Variants in TOP1 observed in about 807,000 individuals in gnomAD.
The protein encoded by TOP1 is DNA topoisomerase 1.
Under a neutral mutation model 111.1 loss-of-function variants are expected in TOP1, and 10 were observed. The observed-to-expected ratio is 0.09, with a 90% CI of 0.06 to 0.15. The LOEUF (loss-of-function observed/expected upper bound fraction) is 0.15. TOP1 is among the 10% of genes least tolerant of loss of function. TOP1 has a pLI of 1.00. For synonymous variants in TOP1, 271 were observed against 302.9 expected (o/e 0.89, Z 1.10); for missense variants, 474 against 926.7 (o/e 0.51, Z 6.34).
intron 3 of TOP1, among the ~76,000 whole-genome samples, chr20:41,066,214 A>G (rs369090324): frequency 8.5e-5 from 13 of 152,064 alleles, no homozygotes; most frequent in South Asian, 2.1e-4. Flanking sequence ...TTTGAGACAT[A>G]TAAGTTTGGC....
At chr20:41,045,670 G>A (rs1366209623) in intron 2 of TOP1, among the ~76,000 whole-genome samples, 1 of 152,164 alleles carries the variant, frequency 6.6e-6, no homozygotes, top group Non-Finnish European at 1.5e-5. Context: ...GAAATTGTAA[G>A]TTTCTAGCAT....
At position 41,109,428 on chromosome 20, in the gene TOP1, G is replaced by C. The variant is rs574621850; in HGVS notation, c.1309-3354G>C. Among the ~76,000 whole-genome samples the C allele has an allele frequency of 6.6e-6, 1 of 152,098 alleles. No homozygotes were observed. The highest frequency in any genetic ancestry group is 2.1e-4 in the South Asian group (1 of 4,822). ...ACCTTAGAGTAGATTCCTTAGGACA[G>C]AAAAACACCAACAAGAGAAACAATT... On this transcript the variant is annotated intron_variant, in intron 13 of 20. Transcript: ENST00000361337. This position sits in a 1 kb window ranked among gnomAD's most constrained non-coding sequence, Gnocchi z 4.1.
chr20:41,072,309 G>C (rs913814826), intron 3 of TOP1: 1 of 985,146 alleles, frequency 1.0e-6, no homozygotes, highest in African/African-American at 1.7e-5. Context: ...CTTAAAACAG[G>C]CAGCCAGCAA....
chr20:41,111,453 G>C (rs1568703710), intron 13 of TOP1, among the ~76,000 whole-genome samples: 4 of 152,192 alleles, frequency 2.6e-5, no homozygotes, highest in Non-Finnish European at 5.9e-5. Context: ...CATGATGTGA[G>C]AGTGCAGATG....
At chr20:41,077,970 T>A (rs929887926) in intron 5 of TOP1, among the ~76,000 whole-genome samples, 3 of 121,808 alleles carry the variant, frequency 2.5e-5, no homozygotes, top group Admixed American at 1.7e-4. Flanking sequence ...TTTTTTTTTT[T>A]AGTATATTCA....
At chr20:41,103,736 G>C (rs971391587) in intron 13 of TOP1, among the ~76,000 whole-genome samples, 1 of 152,080 alleles carries the variant, frequency 6.6e-6, no homozygotes, top group South Asian at 2.1e-4. Flanking sequence ...CCCTCAGAAC[G>C]ACCAAGCTCT....
chr20:41,119,483 CA>C (rs2034387881), intron 18 of TOP1, among the ~76,000 whole-genome samples: 1 of 152,066 alleles, frequency 6.6e-6, no homozygotes, highest in Non-Finnish European at 1.5e-5. Context: ...AAATAAGTTC[CA>C]AAAAGAGGTT....
intron 13 of TOP1, among the ~76,000 whole-genome samples, chr20:41,107,331 A>G (rs550508820): frequency 2.0e-5 from 3 of 152,294 alleles, no homozygotes; most frequent in South Asian, 4.1e-4. Context: ...TTAGAGTCCT[A>G]TTAGATGAGT....
chr20:41,057,734 A>G (rs1017209835), intron 2 of TOP1, among the ~76,000 whole-genome samples: 2 of 152,162 alleles, frequency 1.3e-5, no homozygotes, highest in Non-Finnish European at 2.9e-5. Flanking sequence ...TACACAGAGT[A>G]GTTTTTTTTA....
rs2034199653 is a variant in TOP1, at chr20:41,109,442, A to G, written c.1309-3340A>G. Among the ~76,000 whole-genome samples the G allele has an allele frequency of 1.3e-5, 2 of 152,208 alleles. No individual in the cohort carries two copies. Among genetic ancestry groups the G allele is most frequent in the African/African-American group, 4.8e-5 (2 of 41,448 alleles). The stretch of plus-strand genomic sequence containing the variant: ...TCCTTAGGACAGAAAAACACCAACA[A>G]GAGAAACAATTGACTAAATGGACTT... On this transcript the variant is annotated intron_variant, in intron 13 of 20. Transcript: ENST00000361337. This position sits in a 1 kb window ranked among gnomAD's most constrained non-coding sequence, Gnocchi z 4.1.
At position 41,067,830 on chromosome 20, in the gene TOP1, G is replaced by T. The variant is rs553769140; in HGVS notation, c.155+6340G>T. On this transcript the variant is annotated intron_variant, in intron 3 of 20. Transcript: ENST00000361337. This position sits in a 1 kb window ranked among gnomAD's most constrained non-coding sequence, Gnocchi z 4.0. ...GCCATTATGTGCAGAAACAAAATGG[G>T]GCTATGGATCCACATCCCAGAAGAT... is the stretch of plus-strand genomic sequence containing the variant. 2.0e-5 allele frequency among the ~76,000 whole-genome samples: 3 copies of T among 152,274 alleles called. No individual in the cohort carries two copies. The South Asian group carries it at 6.2e-4, about 32-fold the overall frequency.
rs1465607916 is a variant in TOP1 at position 41,118,638 on chromosome 20, A to G, written c.1950+342A>G. Among the ~76,000 whole-genome samples, 1 of 152,274 alleles carries G rather than the reference A, an allele frequency of 6.6e-6. No individual in the cohort carries two copies. Among genetic ancestry groups the G allele is most frequent in the Non-Finnish European group, 1.5e-5 (1 of 68,046 alleles). On this transcript the variant is annotated intron_variant, in intron 18 of 20. Transcript: ENST00000361337. This position sits in a 1 kb window ranked among gnomAD's most constrained non-coding sequence, Gnocchi z 4.6. ...AAGAGAGTCTTCATAATTCCTTGCT[A>G]CAGCCCAGAAATACAGCCATTTCCA...
intron 2 of TOP1, among the ~76,000 whole-genome samples, chr20:41,047,030 G>A (rs2033343275): frequency 2.6e-5 from 4 of 152,200 alleles, no homozygotes; most frequent in Admixed American, 2.0e-4. Context: ...GAAAGCTGAG[G>A]TGTGTTAGAC....
chr20:41,084,536 G>C lies in TOP1; in HGVS notation c.582G>C (p.Lys194Asn). The C allele has an allele frequency of 6.4e-7, 1 of 1,574,170 alleles. No homozygotes were observed. The highest frequency in any genetic ancestry group is 1.2e-5 in the South Asian group (1 of 85,572). ...KVPEPDNKKK[K>N]PKKEEEQKWK... is the part of the protein sequence containing the mutation. ...CTGAGCCAGATAACAAGAAAAAGAA[G>C]CCGAAGAAAGAAGAGGAACAGAAGT... The change falls in exon 8 of 21, where the codon AAG (lysine) becomes AAC (asparagine). Residue 194 changes from lysine (K) to asparagine (N), a missense_variant. Transcript: ENST00000361337.
intron 18 of TOP1, among the ~76,000 whole-genome samples, chr20:41,120,331 G>A: frequency 6.6e-6 from 1 of 152,206 alleles, no homozygotes; most frequent in East Asian, 1.9e-4. Flanking sequence ...TCTCACAATG[G>A]TGGCCTCTGT....
At position 41,081,771 on chromosome 20, in the gene TOP1, A is replaced by G. The variant is rs543981798; in HGVS notation, c.507+531A>G. ...TGTGCCTCTTCTCTAGCTTACTTGTACCAGTCACACTAGCCTCCTTTGTTT... is the reference window on the plus strand; with the variant it reads ...TGTGCCTCTTCTCTAGCTTACTTGTGCCAGTCACACTAGCCTCCTTTGTTT... On this transcript the variant is annotated intron_variant, in intron 7 of 20. Transcript: ENST00000361337. Among the ~76,000 whole-genome samples, 15 of 152,190 alleles carry G rather than the reference A, an allele frequency of 9.9e-5. No homozygotes were observed. In the South Asian group the frequency reaches 2.9e-3, roughly 29 times the overall value.
chr20:41,088,674 A>G (rs192815308), intron 8 of TOP1, among the ~76,000 whole-genome samples: 4 of 151,988 alleles, frequency 2.6e-5, no homozygotes, highest in Middle Eastern at 3.4e-3. Flanking sequence ...TATTTTCTCT[A>G]TTTGGAGAGT....
intron 3 of TOP1, among the ~76,000 whole-genome samples, chr20:41,074,880 C>CA: frequency 6.6e-6 from 1 of 152,214 alleles, no homozygotes; most frequent in Non-Finnish European, 1.5e-5. Context: ...AGTGTTCTCT[C>CA]ACCTTAAACT....
rs1188363880 is a variant in TOP1 at position 41,123,609 on chromosome 20, C to G, written c.*312C>G. On this transcript the variant is annotated 3_prime_UTR_variant, in exon 21 of 21. Coordinates refer to ENST00000361337, the MANE Select transcript of TOP1 (RefSeq NM_003286.4). The surrounding 1 kb of genome is among the most constrained non-coding windows in gnomAD (Gnocchi z 5.8). ...GTTCTACCAGGCAAATTCACTGTTTCACTGAAATGTTTGGATTCTCTTAGC... is the reference window on the plus strand; with the variant it reads ...GTTCTACCAGGCAAATTCACTGTTTGACTGAAATGTTTGGATTCTCTTAGC... 1 of 301,480 alleles carries G rather than the reference C, an allele frequency of 3.3e-6. No homozygotes were observed. The highest frequency in any genetic ancestry group is 6.2e-6 in the Non-Finnish European group (1 of 162,028). The allele number at this position is 301,480 out of a possible 1,614,324, so 18.7% of individuals were successfully genotyped here.
Sources: allele counts gnomAD v4.1 joint callset (sites outside exome capture counted in the v4.1 genomes callset), GRCh38; gene constraint gnomAD v4.1.1; non-coding constraint Gnocchi (gnomAD v3.1); transcripts MANE v1.5; gene names NCBI Gene and HGNC (gene_info 2026-07-23, HGNC 2026-07-21).